The following MTMR9 variants were observed in gnomAD, a reference collection of about 807,000 sequenced individuals.
MTMR9 encodes myotubularin-related protein 9.
A neutral mutation model predicts 69.5 loss-of-function variants in MTMR9; 39 were observed. The ratio of observed to expected loss-of-function variants is 0.56; its 90% CI spans 0.43 to 0.73. The LOEUF is 0.73. MTMR9 is among the 30% of genes least tolerant of loss of function. The pLI is 0.00. For missense variants in MTMR9, 900 were observed against 671.2 expected, an observed-to-expected ratio of 1.34 and a Z score of -3.77; for synonymous variants, 354 against 240.8, an observed-to-expected ratio of 1.47 and a Z score of -4.35.
chr8:11,306,233 G>C lies in MTMR9; in HGVS notation c.635G>C (p.Arg212Thr), dbSNP rs145217990. ...SGQPLTGTNG[R>T]RCKEDEKLIN... ...CAGCCACTCACTGGTACAAACGGGA[G>C]GAGGTGCAAGGAGGACGAGAAGCTG... The change falls in exon 5 of 10, where the codon AGG (arginine) becomes ACG (threonine). Residue 212 changes from arginine to threonine, a missense_variant. Transcript: ENST00000221086. The C allele has an allele frequency of 2.4e-5, 38 of 1,613,512 alleles. No individual in the cohort carries two copies. The highest frequency in any genetic ancestry group is 3.4e-6 in the Non-Finnish European group (4 of 1,179,936).
chr8:11,314,548 C>CT (rs1370503835), intron 6 of MTMR9, among the ~76,000 whole-genome samples: 1 of 152,172 alleles, frequency 6.6e-6, no homozygotes, highest in African/African-American at 2.4e-5. Context: ...TGAGAAGAGG[C>CT]TTTAACCAAC....
intron 1 of MTMR9, 167 bp from the exon 2 acceptor site, chr8:11,295,027 A>G (rs773018815): frequency 2.2e-4 from 103 of 477,504 alleles, no homozygotes; most frequent in Non-Finnish European, 3.4e-4. Context: ...TAAGTAATGT[A>G]TGGCTCACAT....
At chr8:11,302,281 GA>G (rs1332960102) in intron 3 of MTMR9, among the ~76,000 whole-genome samples, 2 of 53,884 alleles carry the variant, frequency 3.7e-5, no homozygotes, top group African/African-American at 7.5e-5. Flanking sequence ...AAAAGAGGAA[GA>G]CAAAAAAAAA....
Position 11,309,700 on chromosome 8 carries a change from T to C in MTMR9, c.971+12T>C. On this transcript the variant is annotated intron_variant, in intron 6 of 9. Transcript: ENST00000221086. ...CAGTGCATCGACAGGTAAAGTGCAT[T>C]TCAGCGTTCCTGAGCGAAACATGGC... The C allele has an allele frequency of 6.2e-7, 1 of 1,612,284 alleles. No individual in the cohort carries two copies. The highest frequency in any genetic ancestry group is 8.5e-7 in the Non-Finnish European group (1 of 1,179,132).
At chr8:11,304,714 C>T in intron 3 of MTMR9, 127 bp from the exon 4 acceptor site, 1 of 897,526 alleles carries the variant, frequency 1.1e-6, no homozygotes, top group Non-Finnish European at 1.7e-6. Flanking sequence ...AGAGATCCAC[C>T]TGTGAAATTC....
Position 11,327,931 on chromosome 8 carries a change from C to T in MTMR9, c.*5143C>T, listed in dbSNP as rs996444630. On this transcript the variant is annotated 3_prime_UTR_variant, in exon 10 of 10. Coordinates refer to ENST00000221086, the MANE Select transcript of MTMR9 (RefSeq NM_015458.4). Reference sequence around the variant, plus strand: ...ACTAGGTGATAATTTCCCCTGTACCCTATAACTGTAATCATTCACCTTGGG... The same window carrying T: ...ACTAGGTGATAATTTCCCCTGTACCTTATAACTGTAATCATTCACCTTGGG... 6.6e-6 allele frequency: 1 copy of T among 152,146 alleles called. No homozygotes were observed. Among genetic ancestry groups the T allele is most frequent in the African/African-American group, 2.4e-5 (1 of 41,426 alleles). The allele number at this position is 152,146 out of a possible 1,614,324, so 9.4% of individuals were successfully genotyped here.
intron 1 of MTMR9, among the ~76,000 whole-genome samples, chr8:11,294,277 G>C (rs1032225650): frequency 6.6e-6 from 1 of 152,002 alleles, no homozygotes; most frequent in African/African-American, 2.4e-5. Context: ...GACTAGAAGT[G>C]GTGACAGTGA....
Position 11,325,701 on chromosome 8 carries a change from GTT to G in MTMR9, c.*2917_*2918del, listed in dbSNP as rs1390748334. The G allele has an allele frequency of 6.7e-6, 1 of 148,348 alleles. No individual in the cohort carries two copies. The highest frequency in any genetic ancestry group is 1.5e-5 in the Non-Finnish European group (1 of 66,896). The allele number at this position is 148,348 out of a possible 1,614,324, so 9.2% of individuals were successfully genotyped here. ...GAAGAACATTGTTGTTTGATTATAT[GTT>G]TTTAAAAACCTGAAGCTTTTTTGGT... On this transcript the variant is annotated 3_prime_UTR_variant, in exon 10 of 10. Coordinates refer to ENST00000221086, the MANE Select transcript of MTMR9 (RefSeq NM_015458.4).
chr8:11,315,155 A>G, intron 7 of MTMR9, 91 bp downstream of exon 7: 3 of 1,467,850 alleles, frequency 2.0e-6, no homozygotes, highest in Non-Finnish European at 2.8e-6. Flanking sequence ...TGAAATTTCG[A>G]TTGATTAAAA....
In MTMR9 at chr8:11,286,553, T is replaced by C. The variant is rs554175763; in HGVS notation, c.182+1483T>C. 3.0e-3 allele frequency among the ~76,000 whole-genome samples: 448 copies of C among 151,264 alleles called. 1 individual carries two copies. Among genetic ancestry groups the C allele is most frequent in the African/African-American group, 0.011 (441 of 41,186 alleles). On this transcript the variant is annotated intron_variant, in intron 1 of 9. Coordinates refer to ENST00000221086, the MANE Select transcript of MTMR9 (RefSeq NM_015458.4). ...TAGTGGCAGGTGCCTGTAATCCCAGTTACTCAGGAGGCTGAGGCGGAAAAA... is the reference window on the plus strand; with the variant it reads ...TAGTGGCAGGTGCCTGTAATCCCAGCTACTCAGGAGGCTGAGGCGGAAAAA...
intron 2 of MTMR9, chr8:11,297,934 T>A (rs779547330): frequency 8.5e-5 from 39 of 456,148 alleles, no homozygotes; most frequent in Admixed American, 3.8e-4. Context: ...CTTCCCCGAA[T>A]ACATCTGGAC....
At chr8:11,302,252 C>G (rs1234835161) in intron 3 of MTMR9, among the ~76,000 whole-genome samples, 10 of 33,954 alleles carry the variant, frequency 2.9e-4, no homozygotes, top group Admixed American at 4.4e-4. Flanking sequence ...GACCCTGTCT[C>G]CAAAAAAAAA....
At chr8:11,293,302 G>T (rs979005702) in intron 1 of MTMR9, among the ~76,000 whole-genome samples, 5 of 152,178 alleles carry the variant, frequency 3.3e-5, no homozygotes, top group Admixed American at 3.3e-4. Flanking sequence ...AAATATTTTT[G>T]TACAGCTGTA....
Position 11,323,403 on chromosome 8 carries a change from A to T in MTMR9, c.*615A>T, listed in dbSNP as rs879197985. 6.6e-6 allele frequency: 1 copy of T among 152,242 alleles called. No homozygotes were observed. The highest frequency in any genetic ancestry group is 1.5e-5 in the Non-Finnish European group (1 of 68,042). The allele number at this position is 152,242 out of a possible 1,614,324, so 9.4% of individuals were successfully genotyped here. A position where few individuals can be genotyped will look rare whatever the true frequency, so the allele number is the denominator to read the frequency against. ...TTATTCAAGGTAAATTATTTCTACA[A>T]GGGCAACAGGTATGGTCCTCCGATA... is the stretch of plus-strand genomic sequence containing the variant. On this transcript the variant is annotated 3_prime_UTR_variant, in exon 10 of 10. Transcript: ENST00000221086.
the MTMR9 span, among the ~76,000 whole-genome samples, chr8:11,335,237 T>G: frequency 6.6e-6 from 1 of 152,256 alleles, no homozygotes; most frequent in East Asian, 1.9e-4. Context: ...GGGTGCATGG[T>G]TAATTTACAA....
At position 11,322,768 on chromosome 8, in the gene MTMR9, G is replaced by C; in HGVS notation, c.1630G>C (p.Gly544Arg). ...RQLAELETED[G>R]MQESP ...GTTGGCAGAACTGGAAACAGAGGAC[G>C]GGATGCAGGAGAGTCCCTGAAAGGT... Residue 544 changes from glycine to arginine, a missense_variant, in exon 10 of 10, where the codon GGG becomes CGG. Transcript: ENST00000221086. The C allele has an allele frequency of 6.2e-7, 1 of 1,613,932 alleles. No homozygotes were observed. The highest frequency in any genetic ancestry group is 8.5e-7 in the Non-Finnish European group (1 of 1,179,942).
At chr8:11,336,178 A>T in the MTMR9 span, among the ~76,000 whole-genome samples, 3 of 152,200 alleles carry the variant, frequency 2.0e-5, no homozygotes, top group African/African-American at 7.2e-5. Flanking sequence ...GCTCAGCATT[A>T]GATTCTGGTG....
At chr8:11,315,320 A>G (rs563480464) in intron 7 of MTMR9, among the ~76,000 whole-genome samples, 1 of 152,332 alleles carries the variant, frequency 6.6e-6, no homozygotes, top group Admixed American at 6.5e-5. Flanking sequence ...AATACAAAGA[A>G]TGGGAAGCAT....
Position 11,327,378 on chromosome 8 carries a change from C to A in MTMR9, c.*4590C>A, listed in dbSNP as rs1287972726. 6.6e-6 allele frequency: 1 copy of A among 152,174 alleles called. No individual in the cohort carries two copies. Among genetic ancestry groups the A allele is most frequent in the South Asian group, 2.1e-4 (1 of 4,820 alleles). 9.4% of individuals were successfully genotyped at this position (152,174 alleles called of 1,614,324 possible). A position where few individuals can be genotyped will look rare whatever the true frequency, so the allele number is the denominator to read the frequency against. On this transcript the variant is annotated 3_prime_UTR_variant, in exon 10 of 10. Coordinates refer to ENST00000221086, the MANE Select transcript of MTMR9 (RefSeq NM_015458.4). ...GACTTCTAGAGCCATTCTCTTTAAC[C>A]GTCTGCAGGTCTAAGGATTAACTAT...
Sources: gnomAD v4.1 joint callset for allele counts (sites outside exome capture counted in the v4.1 genomes callset) on GRCh38, gnomAD v4.1.1 for gene constraint, MANE v1.5 for transcripts, NCBI Gene and HGNC (gene_info 2026-07-23, HGNC 2026-07-21) for gene names.